Variants in BAIAP2L1 observed in about 807,000 individuals in gnomAD.
BAIAP2L1 encodes the protein BAR/IMD domain-containing adapter protein 2-like 1.
BAIAP2L1 carries 35 observed loss-of-function variants against 66.3 expected under a neutral mutation model. The observed-to-expected ratio is 0.53, with a 90% CI of 0.40 to 0.70. The LOEUF (loss-of-function observed/expected upper bound fraction) is 0.70, where lower values mean the gene tolerates loss of function less well. Among genes scored for constraint, BAIAP2L1 ranks in the 30% least tolerant of loss-of-function variants. The pLI, the probability that BAIAP2L1 is intolerant of heterozygous loss-of-function variation, is 0.00. For missense variants in BAIAP2L1, 622 were observed against 656.9 expected, an observed-to-expected ratio of 0.95 and a Z score of 0.58; for synonymous variants, 269 against 248.7, an observed-to-expected ratio of 1.08 and a Z score of -0.77.
chr7:98,378,861 C>T (rs1802692441), intron 1 of BAIAP2L1, among the ~76,000 whole-genome samples: 1 of 151,238 alleles, frequency 6.6e-6, no homozygotes, highest in South Asian at 2.1e-4. Context: ...GATGGAGTCT[C>T]GCTCTGTTGC....
chr7:98,354,135 CT>C (rs1802068207), intron 3 of BAIAP2L1, among the ~76,000 whole-genome samples: 1 of 152,074 alleles, frequency 6.6e-6, no homozygotes, highest in Non-Finnish European at 1.5e-5. Context: ...CAGATCGCCT[CT>C]GCACCCAACA....
At chr7:98,389,664 C>T (rs943516873) in intron 1 of BAIAP2L1, among the ~76,000 whole-genome samples, 2 of 152,074 alleles carry the variant, frequency 1.3e-5, no homozygotes, top group African/African-American at 2.4e-5. Flanking sequence ...GTTATTACCA[C>T]GCTTGTACCT....
intron 3 of BAIAP2L1, among the ~76,000 whole-genome samples, chr7:98,325,227 A>G (rs1387138156): frequency 2.0e-5 from 3 of 152,040 alleles, no homozygotes. Context: ...TACTCAAAAT[A>G]CAAAAATTAG....
intron 1 of BAIAP2L1, among the ~76,000 whole-genome samples, chr7:98,371,880 C>T (rs948881654): frequency 3.3e-5 from 5 of 151,786 alleles, no homozygotes; most frequent in African/African-American, 9.6e-5. Flanking sequence ...CTGCAAGCTC[C>T]GCCTCCCGGG....
Position 98,306,425 on chromosome 7 carries a change from A to T in BAIAP2L1, c.1241+14T>A. 1 of 1,614,160 alleles carries T rather than the reference A, an allele frequency of 6.2e-7. No individual in the cohort carries two copies. Among genetic ancestry groups the T allele is most frequent in the South Asian group, 1.1e-5 (1 of 91,080 alleles). On this transcript the variant is annotated intron_variant, in intron 11 of 13. Coordinates refer to ENST00000005260, the MANE Select transcript of BAIAP2L1 (RefSeq NM_018842.5). ...TTTCTGTCACCGGGAGAGCTCAGCC[A>T]CGTTCAGGGCTACCTTGGCGTGGGC...
At chr7:98,400,729 C>T in intron 1 of BAIAP2L1, 73 bp downstream of exon 1, 10 of 1,504,136 alleles carry the variant, frequency 6.6e-6, no homozygotes, top group Non-Finnish European at 7.2e-6. Context: ...AAAGTACCTT[C>T]CCGCGTAAAG....
In BAIAP2L1 at chr7:98,310,565, T is replaced by C. The variant is rs750421796; in HGVS notation, c.835A>G (p.Lys279Glu). The change falls in exon 9 of 14, where the codon AAA (lysine) becomes GAA (glutamate). Residue 279 changes from lysine (K) to glutamate (E), a missense_variant. By Grantham distance (56) the Lys-to-Glu change is moderately conservative. Transcript: ENST00000005260. Reference protein sequence around the residue: ...VVRKDYDTLSKCSPKMPPAPS... With the variant: ...VVRKDYDTLSECSPKMPPAPS... ...GCGGGGGGCATCTTTGGTGAGCATT[T>C]AGAAAGGGTGTCGTAATCTTTCCTA... The C allele has an allele frequency of 8.2e-6, 13 of 1,591,842 alleles. No individual in the cohort carries two copies. Among genetic ancestry groups the C allele is most frequent in the Non-Finnish European group, 1.1e-5 (13 of 1,173,748 alleles).
At chr7:98,333,726 A>G (rs1801550637) in intron 3 of BAIAP2L1, among the ~76,000 whole-genome samples, 1 of 149,682 alleles carries the variant, frequency 6.7e-6, no homozygotes, top group Non-Finnish European at 1.5e-5. Flanking sequence ...CCAAGGGATA[A>G]CTACCCCGCC....
chr7:98,307,371 G>A, intron 10 of BAIAP2L1: 1 of 1,161,540 alleles, frequency 8.6e-7, no homozygotes, highest in Non-Finnish European at 1.1e-6. Context: ...CTCCCAAAGT[G>A]CTGGGATTAC....
chr7:98,376,674 A>AAG (rs1554339634), intron 1 of BAIAP2L1, among the ~76,000 whole-genome samples: 1 of 150,710 alleles, frequency 6.6e-6, no homozygotes, highest in Non-Finnish European at 1.5e-5. Flanking sequence ...AAAAAAAAAA[A>AAG]ACACACAAAA....
intron 12 of BAIAP2L1, among the ~76,000 whole-genome samples, chr7:98,296,304 G>A (rs1199426775): frequency 6.6e-6 from 1 of 152,202 alleles, no homozygotes; most frequent in African/African-American, 2.4e-5. Flanking sequence ...TTCTGTCTGT[G>A]GTATTCTGTA....
chr7:98,298,567 GGT>G (rs1800287045), intron 12 of BAIAP2L1, among the ~76,000 whole-genome samples: 1 of 151,842 alleles, frequency 6.6e-6, no homozygotes, highest in Admixed American at 6.6e-5. Flanking sequence ...GAGCCGAGAT[GGT>G]GCCACTGCAC....
chr7:98,374,628 C>CT (rs995218970), intron 1 of BAIAP2L1, among the ~76,000 whole-genome samples: 228 of 149,858 alleles, frequency 1.5e-3, no homozygotes, highest in African/African-American at 4.1e-3. Flanking sequence ...CTCTATAGTA[C>CT]TTTTTTTTTT....
intron 12 of BAIAP2L1, among the ~76,000 whole-genome samples, chr7:98,298,429 G>A (rs1340437320): frequency 6.6e-6 from 1 of 152,216 alleles, no homozygotes; most frequent in Non-Finnish European, 1.5e-5. Context: ...TGGCTAACAC[G>A]GTGAAACCCC....
rs1562971180 is a variant in BAIAP2L1 at position 98,317,369 on chromosome 7, T to C, written c.349-13A>G. On this transcript the variant is annotated splice_polypyrimidine_tract_variant and intron_variant, in intron 5 of 13. Coordinates refer to ENST00000005260, the MANE Select transcript of BAIAP2L1 (RefSeq NM_018842.5). ...TTTTTAGAGTTGCCTGTAAGTTAAA[T>C]GGCTGTGCTTATTTTACTGTGGCAC... 1.2e-6 allele frequency: 2 copies of C among 1,612,412 alleles called. No individual in the cohort carries two copies. The highest frequency in any genetic ancestry group is 1.7e-5 in the Admixed American group (1 of 59,804).
chr7:98,352,033 A>G (rs1802011704), intron 3 of BAIAP2L1, among the ~76,000 whole-genome samples: 2 of 152,120 alleles, frequency 1.3e-5, no homozygotes, highest in African/African-American at 4.8e-5. Flanking sequence ...GAGTAACTAG[A>G]CAATAAAATC....
rs1800258094 is a variant in BAIAP2L1 at position 98,297,937 on chromosome 7, TA to T, written c.1423-3827del. Among the ~76,000 whole-genome samples, 3 of 152,016 alleles carry T rather than the reference TA, an allele frequency of 2.0e-5. No homozygotes were observed. In the South Asian group the frequency reaches 6.2e-4, roughly 31 times the overall value. On this transcript the variant is annotated intron_variant, in intron 12 of 13. Coordinates refer to ENST00000005260, the MANE Select transcript of BAIAP2L1 (RefSeq NM_018842.5). ...GAACTGCAGTAGAAAATACGTAAAT[TA>T]AAAAAATTCAGGCCGGGCACAGTGG...
chr7:98,363,294 C>T (rs553523740), intron 1 of BAIAP2L1, among the ~76,000 whole-genome samples: 95 of 152,188 alleles, frequency 6.2e-4, no homozygotes, highest in Admixed American at 4.6e-3. Flanking sequence ...CTTGGCCTCC[C>T]AAAATGCTGG....
Position 98,292,665 on chromosome 7 carries a change from C to A in BAIAP2L1, c.*856G>T, listed in dbSNP as rs183670544. ...CACCAGAGGTCATCCTGGCTTTACA[C>A]GTATCCTTTGAGAGTCTGTACCTGA... On this transcript the variant is annotated 3_prime_UTR_variant, in exon 14 of 14. Transcript: ENST00000005260. 1.4e-5 allele frequency: 21 copies of A among 1,551,660 alleles called. No homozygotes were observed. The highest frequency in any genetic ancestry group is 1.7e-5 in the Non-Finnish European group (20 of 1,146,992).
Sources: allele counts gnomAD v4.1 joint callset (sites outside exome capture counted in the v4.1 genomes callset), GRCh38; gene constraint gnomAD v4.1.1; transcripts MANE v1.5; gene names NCBI Gene and HGNC (gene_info 2026-07-23, HGNC 2026-07-21).